The following TTC17 variants were observed in gnomAD, a reference collection of about 807,000 sequenced individuals.
The protein encoded by TTC17 is tetratricopeptide repeat protein 17.
Under a neutral mutation model 143.8 loss-of-function variants are expected in TTC17, and 58 were observed. The observed-to-expected ratio is 0.40, with a 90% CI of 0.33 to 0.50. TTC17 has a LOEUF of 0.50. Ranked by LOEUF, TTC17 falls within the 20% of genes least tolerant of loss-of-function variation. TTC17 has a pLI of 0.49. For missense variants in TTC17, 1,273 were observed against 1,392.5 expected, an observed-to-expected ratio of 0.91 and a Z score of 1.37; for synonymous variants, 501 against 497.8, an observed-to-expected ratio of 1.01 and a Z score of -0.09.
chr11:43,392,486 C>T (rs778421348), intron 5 of TTC17, among the ~76,000 whole-genome samples: 7 of 152,030 alleles, frequency 4.6e-5, no homozygotes, highest in Non-Finnish European at 5.9e-5. Flanking sequence ...TTCTTTGTGC[C>T]TAAAGAGTAT....
In TTC17 at chr11:43,407,127, T is replaced by C; in HGVS notation, c.1762-11T>C. The C allele has an allele frequency of 6.4e-7, 1 of 1,552,402 alleles. No homozygotes were observed. The highest frequency in any genetic ancestry group is 1.2e-5 in the South Asian group (1 of 83,188). On this transcript the variant is annotated splice_polypyrimidine_tract_variant and intron_variant, in intron 13 of 23. Transcript: ENST00000039989. Reference sequence around the variant, plus strand: ...TTTTCAATTGAGTCAGTCTTCCTTTTGATGTTTCAGATTTTGCTTTCCCGT... The same window carrying C: ...TTTTCAATTGAGTCAGTCTTCCTTTCGATGTTTCAGATTTTGCTTTCCCGT...
In TTC17 at chr11:43,389,717, G is replaced by A; in HGVS notation, c.315G>A (p.Gln105=). Residue 105 remains glutamine (Q), a synonymous_variant, in exon 3 of 24, where the codon CAG becomes CAA. Coordinates refer to ENST00000039989, the MANE Select transcript of TTC17 (RefSeq NM_018259.6). The stretch of plus-strand genomic sequence containing the variant: ...AGGACAGAGACACAGGACTGGAACA[G>A]AGACATAATAAAGAAGACCCAGACT... The part of the protein sequence containing the change: ...ENEDRDTGLE[Q]RHNKEDPDCI... 6.8e-6 allele frequency: 11 copies of A among 1,614,064 alleles called. No homozygotes were observed. Among genetic ancestry groups the A allele is most frequent in the Non-Finnish European group, 9.3e-6 (11 of 1,179,940 alleles).
chr11:43,449,283 G>C (rs1180293926), intron 19 of TTC17: 1 of 152,306 alleles, frequency 6.6e-6, no homozygotes, highest in Non-Finnish European at 1.5e-5. Context: ...TCCTGCCAGG[G>C]CTGTCACACG....
intron 2 of TTC17, among the ~76,000 whole-genome samples, chr11:43,386,548 G>T (rs571332225): frequency 6.6e-6 from 1 of 152,120 alleles, no homozygotes; most frequent in African/African-American, 2.4e-5. Context: ...ATGTAATTAC[G>T]ATCTCAGGTT....
intron 21 of TTC17, among the ~76,000 whole-genome samples, chr11:43,488,744 T>C (rs1014134201): frequency 3.3e-5 from 5 of 152,194 alleles, no homozygotes; most frequent in Non-Finnish European, 5.9e-5. Context: ...TCCTGCAGGC[T>C]GAAGTGCACT....
intron 10 of TTC17, 189 bp downstream of exon 10, chr11:43,401,747 G>C (rs1857864739): frequency 2.1e-6 from 1 of 475,206 alleles, no homozygotes. Context: ...GGGAGGCAGA[G>C]GCAGAAGGAT....
chr11:43,430,680 A>G (rs941999454), intron 16 of TTC17, among the ~76,000 whole-genome samples: 3 of 146,014 alleles, frequency 2.1e-5, no homozygotes, highest in African/African-American at 2.5e-5. Flanking sequence ...AATGGACTCT[A>G]TACTGCCCCC....
At chr11:43,481,522 G>A (rs756136373) in intron 21 of TTC17, among the ~76,000 whole-genome samples, 9 of 152,080 alleles carry the variant, frequency 5.9e-5, no homozygotes, top group Non-Finnish European at 1.3e-4. Flanking sequence ...TTCTCTTTGT[G>A]GGAGGTTTTT....
chr11:43,382,909 CT>C (rs1278794780), intron 2 of TTC17, among the ~76,000 whole-genome samples: 1 of 149,216 alleles, frequency 6.7e-6, no homozygotes. Context: ...TTTTCTTTTT[CT>C]TTTTTTTGAG....
chr11:43,413,587 CTAATATA>C (rs1349178419), intron 15 of TTC17, among the ~76,000 whole-genome samples: 3 of 151,720 alleles, frequency 2.0e-5, no homozygotes, highest in Non-Finnish European at 2.9e-5. Flanking sequence ...CAACAAAAGA[CTAATATA>C]TAATATAGAC....
intron 5 of TTC17, among the ~76,000 whole-genome samples, chr11:43,395,809 A>ACT (rs1456042512): frequency 7.9e-5 from 12 of 152,330 alleles, no homozygotes; most frequent in African/African-American, 2.9e-4. Flanking sequence ...GTCACTGAAA[A>ACT]TCTATAAAAG....
chr11:43,366,025 G>A (rs1368783214), intron 1 of TTC17, among the ~76,000 whole-genome samples: 1 of 150,710 alleles, frequency 6.6e-6, no homozygotes, highest in East Asian at 2.0e-4. Context: ...TCTGTCGCCA[G>A]GCTGTAGTGC....
At chr11:43,436,684 C>T (rs533992057) in intron 16 of TTC17, among the ~76,000 whole-genome samples, 21 of 152,286 alleles carry the variant, frequency 1.4e-4, no homozygotes, top group Non-Finnish European at 2.1e-4. Flanking sequence ...TACGCCCTCT[C>T]CTAAGATTCC....
At chr11:43,374,567 CA>C (rs933200644) in intron 1 of TTC17, among the ~76,000 whole-genome samples, 1 of 150,428 alleles carries the variant, frequency 6.6e-6, no homozygotes, top group Non-Finnish European at 1.5e-5. Context: ...ATTCAACAAG[CA>C]AAAAACAACT....
intron 17 of TTC17, 115 bp downstream of exon 17, chr11:43,443,699 A>G (rs2134730405): frequency 1.5e-6 from 2 of 1,314,186 alleles, no homozygotes; most frequent in East Asian, 4.7e-5. Flanking sequence ...TATGCACTCC[A>G]GGACAGCCTT....
At chr11:43,367,057 G>A (rs935604367) in intron 1 of TTC17, among the ~76,000 whole-genome samples, 3 of 152,062 alleles carry the variant, frequency 2.0e-5, no homozygotes, top group Admixed American at 6.5e-5. Context: ...ACTGTGTTGG[G>A]CCTACCTACT....
intron 21 of TTC17, among the ~76,000 whole-genome samples, chr11:43,488,968 C>T (rs1185656745): frequency 6.6e-6 from 1 of 152,144 alleles, no homozygotes; most frequent in African/African-American, 2.4e-5. Flanking sequence ...CGTGAGCCAC[C>T]AAGCCTGGCC....
intron 21 of TTC17, among the ~76,000 whole-genome samples, chr11:43,464,850 G>T (rs1249034544): frequency 6.6e-6 from 1 of 152,182 alleles, no homozygotes; most frequent in African/African-American, 2.4e-5. Context: ...TACTAGAAAG[G>T]CTAAGGTCCT....
Position 43,450,244 on chromosome 11 carries a change from G to C in TTC17, c.2946+3G>C, listed in dbSNP as rs1947631706. ...CAGGGGAGAGTCAGTTAACAGAGGT[G>C]AGTGCTCGGCTTTGTTCAGGCTGTT... On this transcript the variant is annotated splice_donor_region_variant and intron_variant, in intron 20 of 23. Transcript: ENST00000039989. 6.2e-7 allele frequency: 1 copy of C among 1,612,536 alleles called. No individual in the cohort carries two copies. Among genetic ancestry groups the C allele is most frequent in the Non-Finnish European group, 8.5e-7 (1 of 1,179,312 alleles).
Sources: allele counts gnomAD v4.1 joint callset (sites outside exome capture counted in the v4.1 genomes callset), GRCh38; gene constraint gnomAD v4.1.1; transcripts MANE v1.5; gene names NCBI Gene and HGNC (gene_info 2026-07-23, HGNC 2026-07-21).